The following MOB3B variants were observed in gnomAD, a reference collection of about 807,000 sequenced individuals.
MOB3B encodes MOB kinase activator 3B, also known as MOB kinase activator-like 2B.
Under a neutral mutation model 18.7 loss-of-function variants are expected in MOB3B, and 7 were observed. That is an observed-to-expected ratio of 0.37 (90% CI 0.21 to 0.70). The LOEUF (loss-of-function observed/expected upper bound fraction) is 0.70, where lower values mean the gene tolerates loss of function less well. Ranked by LOEUF, MOB3B falls within the 30% of genes least tolerant of loss-of-function variation. The pLI, the probability that MOB3B is intolerant of heterozygous loss-of-function variation, is 0.52. For synonymous variants in MOB3B, 111 were observed against 99.9 expected (o/e 1.11, Z -0.66); for missense variants, 253 against 281.3 (o/e 0.90, Z 0.72).
intron 2 of MOB3B, among the ~76,000 whole-genome samples, chr9:27,445,608 T>C (rs760977762): frequency 2.6e-5 from 4 of 152,176 alleles, no homozygotes; most frequent in Non-Finnish European, 5.9e-5. Flanking sequence ...CAAATATGGA[T>C]GGCTTATCTG....
chr9:27,403,703 A>G (rs767737081), intron 2 of MOB3B, among the ~76,000 whole-genome samples: 39 of 151,512 alleles, frequency 2.6e-4, no homozygotes, highest in Non-Finnish European at 4.4e-4. Context: ...CTGGTCCTGA[A>G]CTCCTGACCT....
chr9:27,333,431 G>GGCTA (rs1820818278), intron 3 of MOB3B, among the ~76,000 whole-genome samples: 1 of 152,108 alleles, frequency 6.6e-6, no homozygotes, highest in Non-Finnish European at 1.5e-5. Context: ...CCCTCCCGCA[G>GGCTA]GCTAGCAGGG....
At chr9:27,484,771 T>G (rs1030329424) in intron 1 of MOB3B, among the ~76,000 whole-genome samples, 3 of 152,120 alleles carry the variant, frequency 2.0e-5, no homozygotes, top group Non-Finnish European at 4.4e-5. Flanking sequence ...TACCCTGCCC[T>G]GAGAACTCAG....
At chr9:27,522,047 C>T (rs1371739239) in intron 1 of MOB3B, among the ~76,000 whole-genome samples, 2 of 151,600 alleles carry the variant, frequency 1.3e-5, no homozygotes, top group East Asian at 1.9e-4. Flanking sequence ...TCGAGACCGT[C>T]GTCGCCAACA....
At chr9:27,474,008 A>G (rs1411877245) in intron 1 of MOB3B, among the ~76,000 whole-genome samples, 1 of 152,152 alleles carries the variant, frequency 6.6e-6, no homozygotes, top group East Asian at 1.9e-4. Flanking sequence ...CCAGAACCCA[A>G]TCATGCTGGT....
chr9:27,345,134 CTGAAA>C (rs1288265262), intron 3 of MOB3B, among the ~76,000 whole-genome samples: 1 of 152,178 alleles, frequency 6.6e-6, no homozygotes, highest in East Asian at 1.9e-4. Context: ...GTCGTCTTCA[CTGAAA>C]TGGTGCATAT....
At chr9:27,431,545 A>G (rs1179613606) in intron 2 of MOB3B, among the ~76,000 whole-genome samples, 2 of 152,186 alleles carry the variant, frequency 1.3e-5, no homozygotes, top group Non-Finnish European at 2.9e-5. Flanking sequence ...ATCAACTACT[A>G]TGGAGATAAC....
intron 2 of MOB3B, among the ~76,000 whole-genome samples, chr9:27,382,194 C>T (rs1171215526): frequency 6.6e-6 from 1 of 152,116 alleles, no homozygotes; most frequent in Non-Finnish European, 1.5e-5. Flanking sequence ...GTTATTATTG[C>T]CACCACTTTG....
At chr9:27,481,514 T>TTG (rs1336305612) in intron 1 of MOB3B, among the ~76,000 whole-genome samples, 34 of 136,606 alleles carry the variant, frequency 2.5e-4, no homozygotes, top group Admixed American at 1.4e-3. Context: ...TTTTTTTGTT[T>TTG]TTTTTGTTTT....
At chr9:27,366,833 C>T (rs1366496089) in intron 2 of MOB3B, among the ~76,000 whole-genome samples, 1 of 152,196 alleles carries the variant, frequency 6.6e-6, no homozygotes, top group Non-Finnish European at 1.5e-5. Context: ...GGCAGATAGG[C>T]CCCTTTATTG....
chr9:27,429,553 A>C (rs1249043063), intron 2 of MOB3B, among the ~76,000 whole-genome samples: 1 of 152,210 alleles, frequency 6.6e-6, no homozygotes, highest in Non-Finnish European at 1.5e-5. Flanking sequence ...AAACAGAGAA[A>C]CTAGAACTAA....
chr9:27,342,485 G>C (rs186765065), intron 3 of MOB3B, among the ~76,000 whole-genome samples: 1 of 119,854 alleles, frequency 8.3e-6, no homozygotes, highest in Admixed American at 9.6e-5. Flanking sequence ...CCCTCTCCCC[G>C]GTCTCCCTCT....
chr9:27,449,083 T>C (rs1471083834), intron 2 of MOB3B, among the ~76,000 whole-genome samples: 1 of 152,140 alleles, frequency 6.6e-6, no homozygotes, highest in East Asian at 1.9e-4. Flanking sequence ...AGAAGACACT[T>C]CCTAGTAGAT....
intron 2 of MOB3B, among the ~76,000 whole-genome samples, chr9:27,449,266 T>C (rs1822745579): frequency 6.6e-6 from 1 of 152,230 alleles, no homozygotes; most frequent in South Asian, 2.1e-4. Flanking sequence ...TTAAAGCACA[T>C]TTTATTTTAC....
intron 2 of MOB3B, among the ~76,000 whole-genome samples, chr9:27,376,763 C>T (rs1002369073): frequency 1.3e-5 from 2 of 152,250 alleles, no homozygotes; most frequent in Non-Finnish European, 2.9e-5. Context: ...GCTAGAAATG[C>T]AAATTCCCAG....
intron 1 of MOB3B, among the ~76,000 whole-genome samples, chr9:27,528,508 T>G (rs1820475193): frequency 6.6e-6 from 1 of 152,192 alleles, no homozygotes; most frequent in Admixed American, 6.5e-5. Context: ...CAACTTTCCC[T>G]CCGCCCTCTA....
intron 1 of MOB3B, among the ~76,000 whole-genome samples, chr9:27,465,263 G>T (rs1211101323): frequency 6.6e-6 from 1 of 152,094 alleles, no homozygotes; most frequent in Non-Finnish European, 1.5e-5. Context: ...GGGGTTACAG[G>T]GCCCATGCAA....
At chr9:27,353,878 G>A (rs1431558911) in intron 3 of MOB3B, among the ~76,000 whole-genome samples, 1 of 152,230 alleles carries the variant, frequency 6.6e-6, no homozygotes, top group East Asian at 1.9e-4. Context: ...AGGGCCAACA[G>A]CAGCCTGCTT....
At chr9:27,476,678 T>C (rs1054447972) in intron 1 of MOB3B, among the ~76,000 whole-genome samples, 1 of 152,318 alleles carries the variant, frequency 6.6e-6, no homozygotes, top group South Asian at 2.1e-4. Flanking sequence ...CACTGTCCCC[T>C]CTTCCTGAAA....
Sources: allele counts gnomAD v4.1 joint callset (sites outside exome capture counted in the v4.1 genomes callset), GRCh38; gene constraint gnomAD v4.1.1; transcripts MANE v1.5; gene names NCBI Gene and HGNC (gene_info 2026-07-23, HGNC 2026-07-21).